The following ZAN variants were observed in gnomAD, a reference collection of about 807,000 sequenced individuals.
ZAN encodes the protein zonadhesin (gene/pseudogene).
ZAN carries 260 observed loss-of-function variants against 286.2 expected under a neutral mutation model. The ratio of observed to expected loss-of-function variants is 0.91; its 90% CI spans 0.82 to 1.01. The LOEUF (loss-of-function observed/expected upper bound fraction) is 1.01. ZAN is among the 50% of genes least tolerant of loss of function. The pLI is 0.00. For missense variants in ZAN, 3,410 were observed against 3,639.2 expected, an observed-to-expected ratio of 0.94 and a Z score of 1.62; for synonymous variants, 1,368 against 1,417.5, an observed-to-expected ratio of 0.97 and a Z score of 0.79.
rs769715218 is a variant in ZAN at position 100,790,974 on chromosome 7, G to A, written c.7390G>A (p.Val2464Met). The part of the protein sequence containing the change: ...ISLPSMYEGL[V>M]SGLCGNYDKN... ...CCTACCCAGCATGTACGAGGGGCTT[G>A]TGAGTGGCCTGTGCGGAAACTACGA... The change falls in exon 40 of 48, where the codon GTG becomes ATG. Residue 2464 changes from valine (V) to methionine (M), a missense_variant. Transcript: ENST00000613979. The A allele has an allele frequency of 6.2e-6, 10 of 1,612,230 alleles. No individual in the cohort carries two copies. Among genetic ancestry groups the A allele is most frequent in the Non-Finnish European group, 8.5e-6 (10 of 1,179,330 alleles).
rs1808374413 is a variant in ZAN, at chr7:100,748,305, T to A, written c.1103-19T>A. On this transcript the variant is annotated intron_variant, in intron 10 of 47. Coordinates refer to ENST00000613979, the MANE Select transcript of ZAN (RefSeq NM_003386.3). ...GAGCGTCACTCAACTTGCTCAAATA[T>A]CCTATTTTGATCCCCCAGAGGGTTT... The A allele has an allele frequency of 1.9e-6, 3 of 1,613,666 alleles. No homozygotes were observed. Among genetic ancestry groups the A allele is most frequent in the Non-Finnish European group, 1.7e-6 (2 of 1,179,860 alleles).
Position 100,787,925 on chromosome 7 carries a change from A to C in ZAN, c.7016A>C (p.Tyr2339Ser). The change falls in exon 38 of 48, where the codon TAC becomes TCC. Residue 2339 changes from tyrosine (Y) to serine (S), a missense_variant. Transcript: ENST00000613979. ...TGCTCAGTCTATGGCGACCCCCGTT[A>C]CCTCACATTTGACGGCTTCAGCTAC... ...EQCSVYGDPR[Y>S]LTFDGFSYRL... The C allele has an allele frequency of 6.5e-7, 1 of 1,540,010 alleles. No individual in the cohort carries two copies. The highest frequency in any genetic ancestry group is 8.8e-7 in the Non-Finnish European group (1 of 1,130,192).
At position 100,773,509 on chromosome 7, in the gene ZAN, G is replaced by T; in HGVS notation, c.5634+16G>T. ...CTACCACCCGGTGAGAGGCCAGCTA[G>T]GAGGGGCCCCGCCCTTTCCAGGCCC... is the stretch of plus-strand genomic sequence containing the variant. On this transcript the variant is annotated intron_variant, in intron 30 of 47. Coordinates refer to ENST00000613979, the MANE Select transcript of ZAN (RefSeq NM_003386.3). 6.2e-7 allele frequency: 1 copy of T among 1,612,050 alleles called. No homozygotes were observed. The highest frequency in any genetic ancestry group is 8.5e-7 in the Non-Finnish European group (1 of 1,179,248).
In ZAN at chr7:100,795,384, C is replaced by T. The variant is rs374469592; in HGVS notation, c.8266+48C>T. Reference sequence around the variant, plus strand: ...TGTACCCTCACAACCTCTTCCTGGCCGACAACCACAGAATGATTCTATATG... The same window carrying T: ...TGTACCCTCACAACCTCTTCCTGGCTGACAACCACAGAATGATTCTATATG... On this transcript the variant is annotated intron_variant, in intron 45 of 47. Coordinates refer to ENST00000613979, the MANE Select transcript of ZAN (RefSeq NM_003386.3). The T allele has an allele frequency of 4.5e-5, 65 of 1,452,192 alleles. No individual in the cohort carries two copies. In the South Asian group the frequency reaches 4.5e-4, roughly 10 times the overall value. 90.0% of individuals were successfully genotyped at this position (1,452,192 alleles called of 1,614,324 possible). A position where few individuals can be genotyped will look rare whatever the true frequency, so the allele number is the denominator to read the frequency against.
intron 27 of ZAN, among the ~76,000 whole-genome samples, chr7:100,769,037 C>T (rs1353275038): frequency 2.6e-5 from 4 of 152,042 alleles, no homozygotes; most frequent in Non-Finnish European, 4.4e-5. Flanking sequence ...CTTGAGGGCA[C>T]CGTTTTGTCC....
chr7:100,776,825 C>T (rs1274528069), intron 34 of ZAN, among the ~76,000 whole-genome samples: 9 of 141,328 alleles, frequency 6.4e-5, no homozygotes, highest in African/African-American at 1.6e-4. Flanking sequence ...CTCTGCTTCC[C>T]GGGTTCACGC....
In ZAN at chr7:100,750,801, C is replaced by A. The variant is rs962853345; in HGVS notation, c.1426C>A (p.Pro476Thr). The change falls in exon 12 of 48, where the codon CCC becomes ACC. Residue 476 changes from proline to threonine, a missense_variant. Pro to Thr is a conservative substitution (Grantham distance 38). Coordinates refer to ENST00000613979, the MANE Select transcript of ZAN (RefSeq NM_003386.3). The stretch of plus-strand genomic sequence containing the variant: ...CCTCCTGGGAAGTCCTGCGGGGAGT[C>A]CCCCGATTCCTCTCTGGAAACGCGT... ...ELLLGSPAGSPPIPLWKRVGS... is the reference protein window; with the variant it reads ...ELLLGSPAGSTPIPLWKRVGS... The A allele has an allele frequency of 1.2e-6, 2 of 1,609,056 alleles. No homozygotes were observed. Among genetic ancestry groups the A allele is most frequent in the Non-Finnish European group, 1.7e-6 (2 of 1,176,662 alleles).
Position 100,765,988 on chromosome 7 carries a change from G to GT in ZAN, c.4470+439dup, listed in dbSNP as rs200743931. On this transcript the variant is annotated intron_variant, in intron 23 of 47. Coordinates refer to ENST00000613979, the MANE Select transcript of ZAN (RefSeq NM_003386.3). ...TTTTGGTTTTTTGTTGTTGTTTTTG[G>GT]TTTTTGTTTTTTTTTTGAGACAGAG... is the stretch of plus-strand genomic sequence containing the variant. Among the ~76,000 whole-genome samples, 195 of 139,996 alleles carry GT rather than the reference G, an allele frequency of 1.4e-3. 2 individuals carry two copies. Among genetic ancestry groups the GT allele is most frequent in the African/African-American group, 3.0e-3 (112 of 37,768 alleles). The allele number at this position is 139,996 out of a possible 152,430, so 91.8% of individuals were successfully genotyped here.
At chr7:100,794,324 C>T (rs1812209463) in intron 44 of ZAN, 66 bp downstream of exon 44, 11 of 1,524,846 alleles carry the variant, frequency 7.2e-6, no homozygotes, top group South Asian at 3.9e-5. Flanking sequence ...GACCAAGGAT[C>T]GTCCCCTCCT....
rs376482061 is a variant in ZAN, at chr7:100,767,166, G to T, written c.4769G>T (p.Arg1590Leu). Residue 1590 changes from arginine (R) to leucine (L), a missense_variant, in exon 25 of 48, where the codon CGC becomes CTC. By Grantham distance (102) the Arg-to-Leu change is moderately radical. Transcript: ENST00000613979. ...GTTGTGAGCGCCACCAACGAGAACCGCGGGGGGATCCTGGAGGTCTCCTAC... is the reference window on the plus strand; with the variant it reads ...GTTGTGAGCGCCACCAACGAGAACCTCGGGGGGATCCTGGAGGTCTCCTAC... The part of the protein sequence containing the change: ...YFVVSATNEN[R>L]GGILEVSYIK... The T allele has an allele frequency of 1.2e-4, 194 of 1,613,670 alleles. No homozygotes were observed. Among genetic ancestry groups the T allele is most frequent in the Non-Finnish European group, 1.6e-4 (184 of 1,179,884 alleles).
intron 7 of ZAN, among the ~76,000 whole-genome samples, chr7:100,744,930 C>CTGGA (rs1210841265): frequency 6.6e-6 from 1 of 150,954 alleles, no homozygotes; most frequent in Non-Finnish European, 1.5e-5. Context: ...GTCGCCCAGG[C>CTGGA]TGGAGTGCGG....
At chr7:100,765,160 G>A (rs527550234) in intron 22 of ZAN, among the ~76,000 whole-genome samples, 192 bp from the exon 23 acceptor site, 2 of 152,326 alleles carry the variant, frequency 1.3e-5, no homozygotes, top group East Asian at 3.9e-4. Flanking sequence ...CTCAGGGCCG[G>A]CGCCTTAGTG....
chr7:100,795,132 G>T, intron 44 of ZAN, 64 bp from the exon 45 acceptor site: 1 of 1,539,466 alleles, frequency 6.5e-7, no homozygotes, highest in South Asian at 1.2e-5. Flanking sequence ...CCCCAGCCAG[G>T]CCTTCCCTCA....
rs1342986307 is a variant in ZAN, at chr7:100,763,581, G to A, written c.3987-225G>A. On this transcript the variant is annotated intron_variant, in intron 20 of 47. Transcript: ENST00000613979. The surrounding 1 kb of genome is among the most constrained non-coding windows in gnomAD (Gnocchi z 4.6). ...ATTTTTAAAGAGATGGGATCTCAGT[G>A]TGTTACCCAGGCTGGCCTGGAACTC... Among the ~76,000 whole-genome samples, 1 of 152,068 alleles carries A rather than the reference G, an allele frequency of 6.6e-6. No homozygotes were observed. The highest frequency in any genetic ancestry group is 1.5e-5 in the Non-Finnish European group (1 of 68,018).
At chr7:100,783,783 T>TATATATATACACAC (rs377402352) in intron 35 of ZAN, among the ~76,000 whole-genome samples, 5 of 20,486 alleles carry the variant, frequency 2.4e-4, no homozygotes, top group South Asian at 1.9e-3. Context: ...TATATATATA[T>TATATATATACACAC]ACACATATAT....
intron 42 of ZAN, 53 bp downstream of exon 42, chr7:100,792,532 C>G: frequency 6.2e-7 from 1 of 1,609,436 alleles, no homozygotes; most frequent in Non-Finnish European, 8.5e-7. Flanking sequence ...CTGGCGGGAC[C>G]GCACCCTCTG....
intron 24 of ZAN, 75 bp from the exon 25 acceptor site, chr7:100,766,935 C>T: frequency 6.3e-7 from 1 of 1,585,572 alleles, no homozygotes; most frequent in South Asian, 1.2e-5. Context: ...GTGGGCTCTC[C>T]AGGATGGCAG....
chr7:100,782,913 C>T (rs895087678), intron 35 of ZAN, among the ~76,000 whole-genome samples: 4 of 152,278 alleles, frequency 2.6e-5, no homozygotes, highest in African/African-American at 9.6e-5. Flanking sequence ...CTCCTCTGTT[C>T]TGTCGGTCCA....
Position 100,783,763 on chromosome 7 carries a change from AATAT to A in ZAN, c.6623-842_6623-839del, listed in dbSNP as rs1554409733. Among the ~76,000 whole-genome samples the A allele has an allele frequency of 9.4e-4, 7 of 7,482 alleles. 1 individual carries two copies. Among genetic ancestry groups the A allele is most frequent in the African/African-American group, 3.8e-3 (7 of 1,866 alleles). 4.9% of individuals were successfully genotyped at this position (7,482 alleles called of 152,430 possible). ...AAAAAAAAAAAAAAAAAAAAAAAAAAATATATATATATATATATATACACATATA... is the reference window on the plus strand; with the variant it reads ...AAAAAAAAAAAAAAAAAAAAAAAAAAATATATATATATATATACACATATA... On this transcript the variant is annotated intron_variant, in intron 35 of 47. Coordinates refer to ENST00000613979, the MANE Select transcript of ZAN (RefSeq NM_003386.3).
Sources: allele counts gnomAD v4.1 joint callset (sites outside exome capture counted in the v4.1 genomes callset), GRCh38; gene constraint gnomAD v4.1.1; non-coding constraint Gnocchi (gnomAD v3.1); transcripts MANE v1.5; gene names NCBI Gene and HGNC (gene_info 2026-07-23, HGNC 2026-07-21).